The following STK3 variants were observed in gnomAD, a reference collection of about 807,000 sequenced individuals.
STK3 encodes serine/threonine kinase 3.
Under a neutral mutation model 58.0 loss-of-function variants are expected in STK3, and 41 were observed. The observed-to-expected ratio is 0.71, with a 90% CI of 0.55 to 0.92. STK3 has a LOEUF of 0.92. Among genes scored for constraint, STK3 ranks in the 40% least tolerant of loss-of-function variants. The pLI, the probability that STK3 is intolerant of heterozygous loss-of-function variation, is 0.00. For synonymous variants in STK3, 170 were observed against 191.0 expected (o/e 0.89, Z 0.91); for missense variants, 479 against 602.7 (o/e 0.79, Z 2.15).
At chr8:98,840,470 A>T (rs1333892676) in intron 3 of STK3, among the ~76,000 whole-genome samples, 1 of 147,588 alleles carries the variant, frequency 6.8e-6, no homozygotes, top group African/African-American at 2.5e-5. Flanking sequence ...TACTCAGGAG[A>T]CTAAGGCAGG....
At chr8:98,379,724 C>A (rs1018726575) in intron 1 of STK3, among the ~76,000 whole-genome samples, 3 of 152,182 alleles carry the variant, frequency 2.0e-5, no homozygotes, top group Non-Finnish European at 2.9e-5. Flanking sequence ...AACATGTGTT[C>A]ATTGTAGAAA....
At chr8:98,643,870 G>A (rs530211637) in intron 6 of STK3, among the ~76,000 whole-genome samples, 8 of 152,232 alleles carry the variant, frequency 5.3e-5, no homozygotes, top group South Asian at 4.1e-4. Context: ...TTAGCTGGGT[G>A]TGATGGCATG....
intron 10 of STK3, among the ~76,000 whole-genome samples, chr8:98,467,548 A>ATG (rs61136775): frequency 0.1 from 15,293 of 147,834 alleles, 918 homozygotes; most frequent in African/African-American, 0.18. Flanking sequence ...TATTTAAAAA[A>ATG]TGTGTGTGTG....
intron 4 of STK3, among the ~76,000 whole-genome samples, chr8:98,742,901 T>C (rs1413830650): frequency 3.3e-5 from 5 of 152,020 alleles, no homozygotes; most frequent in Non-Finnish European, 7.3e-5. Flanking sequence ...ACAAAATCAA[T>C]GTACAAAAAT....
At chr8:98,859,049 G>A (rs1587761179) in intron 3 of STK3, among the ~76,000 whole-genome samples, 1 of 152,244 alleles carries the variant, frequency 6.6e-6, no homozygotes, top group Admixed American at 6.5e-5. Flanking sequence ...CAGAAGGAAA[G>A]CAAATTTACA....
chr8:98,541,774 C>T (rs1338450869), intron 9 of STK3, among the ~76,000 whole-genome samples: 2 of 152,186 alleles, frequency 1.3e-5, no homozygotes, highest in Non-Finnish European at 2.9e-5. Flanking sequence ...ATACAATATT[C>T]AAACTCTGCA....
At chr8:98,760,982 G>A (rs940837968) in intron 3 of STK3, among the ~76,000 whole-genome samples, 8 of 152,012 alleles carry the variant, frequency 5.3e-5, no homozygotes, top group Admixed American at 6.5e-5. Flanking sequence ...GAATCATTAC[G>A]TTTAAGCTTC....
intron 4 of STK3, among the ~76,000 whole-genome samples, chr8:98,739,295 G>T (rs962697793): frequency 6.6e-6 from 1 of 152,226 alleles, no homozygotes; most frequent in Non-Finnish European, 1.5e-5. Flanking sequence ...GCCTCCTCAA[G>T]TGGGTCCCTG....
chr8:98,845,308 T>C (rs1836161569), intron 3 of STK3, among the ~76,000 whole-genome samples: 1 of 152,228 alleles, frequency 6.6e-6, no homozygotes, highest in African/African-American at 2.4e-5. Flanking sequence ...CAGCAGTTCT[T>C]TTCTACCACA....
At chr8:98,534,708 C>T (rs1809618453) in intron 9 of STK3, among the ~76,000 whole-genome samples, 1 of 152,120 alleles carries the variant, frequency 6.6e-6, no homozygotes, top group Admixed American at 6.5e-5. Flanking sequence ...TGTCTCTAGG[C>T]TTCATCATTA....
chr8:98,721,669 A>G (rs1284708579), intron 4 of STK3, among the ~76,000 whole-genome samples: 1 of 151,794 alleles, frequency 6.6e-6, no homozygotes, highest in Non-Finnish European at 1.5e-5. Context: ...TCACAAAACT[A>G]AAAAAAAGAG....
chr8:98,791,243 C>G (rs1832784581), intron 1 of STK3, among the ~76,000 whole-genome samples: 1 of 152,076 alleles, frequency 6.6e-6, no homozygotes, highest in East Asian at 1.9e-4. Context: ...AAATAAAATA[C>G]TTAGGAATAC....
chr8:98,433,289 G>T (rs1818370688), intron 3 of STK3, among the ~76,000 whole-genome samples: 1 of 152,080 alleles, frequency 6.6e-6, no homozygotes, highest in African/African-American at 2.4e-5. Context: ...TGCCCTGCCA[G>T]CCCCAACCTG....
chr8:98,540,958 G>T (rs1024961026), intron 9 of STK3, among the ~76,000 whole-genome samples: 19 of 152,200 alleles, frequency 1.2e-4, no homozygotes, highest in Non-Finnish European at 2.4e-4. Flanking sequence ...ATATTTAGTA[G>T]CTTTCTAATC....
chr8:98,521,801 TTC>T (rs1015775821), intron 10 of STK3, among the ~76,000 whole-genome samples: 2 of 152,170 alleles, frequency 1.3e-5, no homozygotes, highest in African/African-American at 4.8e-5. Flanking sequence ...AGTTCCTGCC[TTC>T]TCTCTTTCTG....
At chr8:98,376,153 T>A (rs1428528963) in intron 2 of STK3, among the ~76,000 whole-genome samples, 1 of 152,250 alleles carries the variant, frequency 6.6e-6, no homozygotes. Flanking sequence ...GGTTTTAATT[T>A]GTATTTCCCT....
chr8:98,852,059 A>G (rs1415244562), intron 3 of STK3, among the ~76,000 whole-genome samples: 1 of 152,206 alleles, frequency 6.6e-6, no homozygotes, highest in Non-Finnish European at 1.5e-5. Context: ...AGACAAGAGA[A>G]TGATGTATAG....
chr8:98,647,871 A>G (rs1820526771), intron 6 of STK3, among the ~76,000 whole-genome samples: 1 of 152,222 alleles, frequency 6.6e-6, no homozygotes, highest in Non-Finnish European at 1.5e-5. Flanking sequence ...AATTGTGGCT[A>G]ACATACCTTT....
chr8:98,446,749 A>T (rs1273574027), intron 1 of STK3, among the ~76,000 whole-genome samples: 1 of 152,186 alleles, frequency 6.6e-6, no homozygotes, highest in Non-Finnish European at 1.5e-5. Flanking sequence ...TTATATGCAG[A>T]GGAATATAAA....
Sources: allele counts gnomAD v4.1 joint callset (sites outside exome capture counted in the v4.1 genomes callset), GRCh38; gene constraint gnomAD v4.1.1; transcripts MANE v1.5; gene names NCBI Gene and HGNC (gene_info 2026-07-23, HGNC 2026-07-21).